The following TMOD3 variants were observed in gnomAD, a reference collection of about 807,000 sequenced individuals.
TMOD3 encodes the protein tropomodulin-3.
A neutral mutation model predicts 39.2 loss-of-function variants in TMOD3; 20 were observed. The observed-to-expected ratio is 0.51, with a 90% CI of 0.36 to 0.74. The LOEUF (loss-of-function observed/expected upper bound fraction) is 0.74. TMOD3 is among the 30% of genes least tolerant of loss of function. The probability of loss-of-function intolerance (pLI) is 0.00; values close to 1 mark genes in which losing one functional copy is unlikely to be tolerated. For missense variants in TMOD3, 381 were observed against 412.8 expected (o/e 0.92, Z 0.67); for synonymous variants, 143 against 145.8 (o/e 0.98, Z 0.14).
At chr15:51,889,217 T>C (rs547352505) in intron 5 of TMOD3, 72 bp downstream of exon 5, 2 of 1,004,884 alleles carry the variant, frequency 2.0e-6, no homozygotes, top group East Asian at 2.5e-5. Context: ...TGTGTCAGCT[T>C]AAGTGTTCAC....
At chr15:51,873,374 A>C (rs1293382797) in intron 3 of TMOD3, among the ~76,000 whole-genome samples, 1 of 152,154 alleles carries the variant, frequency 6.6e-6, no homozygotes, top group Non-Finnish European at 1.5e-5. Flanking sequence ...AGACTTTCAG[A>C]TTGAGGATGC....
intron 9 of TMOD3, 33 bp downstream of exon 9, chr15:51,902,069 C>T: frequency 1.2e-6 from 2 of 1,607,692 alleles, no homozygotes; most frequent in Non-Finnish European, 1.7e-6. Flanking sequence ...TTTCTGAGTT[C>T]TATCACAAGC....
intron 9 of TMOD3, among the ~76,000 whole-genome samples, chr15:51,904,396 C>T (rs1252044513): frequency 6.6e-6 from 1 of 152,174 alleles, no homozygotes; most frequent in African/African-American, 2.4e-5. Context: ...ACAATAGGTA[C>T]TTAAGAAAAC....
At chr15:51,870,352 G>A (rs1407074893) in intron 3 of TMOD3, among the ~76,000 whole-genome samples, 6 of 152,158 alleles carry the variant, frequency 3.9e-5, no homozygotes, top group Admixed American at 6.5e-5. Flanking sequence ...CAAATTCTAC[G>A]TTCACTCTTA....
intron 4 of TMOD3, among the ~76,000 whole-genome samples, chr15:51,888,175 C>G (rs1023083321): frequency 2.6e-5 from 4 of 152,186 alleles, no homozygotes; most frequent in African/African-American, 7.2e-5. Context: ...TGAAACACTC[C>G]AAACGTCTCT....
intron 9 of TMOD3, among the ~76,000 whole-genome samples, 178 bp downstream of exon 9, chr15:51,902,214 G>A (rs1210948757): frequency 6.6e-6 from 1 of 152,136 alleles, no homozygotes; most frequent in Non-Finnish European, 1.5e-5. Context: ...AGGTTGTGAT[G>A]ATTGGGTCAA....
At chr15:51,868,438 C>T (rs2056458301) in intron 2 of TMOD3, among the ~76,000 whole-genome samples, 1 of 152,160 alleles carries the variant, frequency 6.6e-6, no homozygotes. Flanking sequence ...TCCTCTACCT[C>T]CTCCCACCCT....
intron 1 of TMOD3, among the ~76,000 whole-genome samples, chr15:51,847,783 T>C (rs2056342937): frequency 6.6e-6 from 1 of 152,142 alleles, no homozygotes; most frequent in African/African-American, 2.4e-5. Flanking sequence ...ATACGTTATA[T>C]ACAACTAAAA....
chr15:51,879,890 G>GCACA (rs2056524597), intron 3 of TMOD3, among the ~76,000 whole-genome samples: 1 of 37,508 alleles, frequency 2.7e-5, no homozygotes. Context: ...ACACACACAC[G>GCACA]AAGAAGAAAT....
At chr15:51,875,396 T>C (rs981633842) in intron 3 of TMOD3, 1 of 152,216 alleles carries the variant, frequency 6.6e-6, no homozygotes, top group African/African-American at 2.4e-5. Flanking sequence ...ACATTAGTCA[T>C]GCAGATGCTG....
chr15:51,846,746 A>G (rs1484592028), intron 1 of TMOD3, among the ~76,000 whole-genome samples: 7 of 152,198 alleles, frequency 4.6e-5, no homozygotes, highest in Non-Finnish European at 8.8e-5. Context: ...CAGCAGAGAT[A>G]AAGAACTCTG....
intron 1 of TMOD3, chr15:51,861,339 C>T (rs899536994): frequency 7.2e-5 from 16 of 220,896 alleles, no homozygotes; most frequent in South Asian, 1.5e-4. Flanking sequence ...ACCGCGAACA[C>T]GTGCAGGAAG....
chr15:51,869,595 A>C (rs1399989251), intron 3 of TMOD3, among the ~76,000 whole-genome samples: 1 of 152,220 alleles, frequency 6.6e-6, no homozygotes, highest in Non-Finnish European at 1.5e-5. Context: ...TTATTACACA[A>C]TGATTTTGAA....
intron 1 of TMOD3, among the ~76,000 whole-genome samples, chr15:51,850,840 G>A (rs1462622466): frequency 1.3e-5 from 2 of 152,062 alleles, no homozygotes; most frequent in Non-Finnish European, 2.9e-5. Flanking sequence ...GGGTTCAAGC[G>A]ATTCTCCTGC....
At chr15:51,847,113 C>T (rs760756064) in intron 1 of TMOD3, among the ~76,000 whole-genome samples, 16 of 152,128 alleles carry the variant, frequency 1.1e-4, no homozygotes, top group Non-Finnish European at 2.1e-4. Flanking sequence ...AAGAGAGCCA[C>T]GAAGTCTCTC....
At chr15:51,849,873 G>A (rs2056352475) in intron 1 of TMOD3, among the ~76,000 whole-genome samples, 1 of 151,898 alleles carries the variant, frequency 6.6e-6, no homozygotes, top group South Asian at 2.1e-4. Context: ...GGTGGAGGTT[G>A]CAGTCAGCCG....
At chr15:51,885,764 C>T (rs943405772) in intron 3 of TMOD3, among the ~76,000 whole-genome samples, 4 of 152,202 alleles carry the variant, frequency 2.6e-5, no homozygotes, top group South Asian at 2.1e-4. Context: ...TCGACAAAAC[C>T]GCCATCGTCA....
At chr15:51,845,756 A>G (rs2056332591) in intron 1 of TMOD3, among the ~76,000 whole-genome samples, 1 of 152,132 alleles carries the variant, frequency 6.6e-6, no homozygotes, top group African/African-American at 2.4e-5. Flanking sequence ...CAAAAAATAA[A>G]ACAAGGAAAG....
At chr15:51,859,957 T>G (rs989287621) in intron 1 of TMOD3, 12 of 546,096 alleles carry the variant, frequency 2.2e-5, no homozygotes, top group Admixed American at 1.9e-5. Flanking sequence ...ACCCACTATT[T>G]GTCTTCTTAG....
Sources: allele counts gnomAD v4.1 joint callset (sites outside exome capture counted in the v4.1 genomes callset), GRCh38; gene constraint gnomAD v4.1.1; transcripts MANE v1.5; gene names NCBI Gene and HGNC (gene_info 2026-07-23, HGNC 2026-07-21).